DLG2: variants seen among roughly 807,000 people sequenced by gnomAD.
DLG2 encodes the protein discs large MAGUK scaffold protein 2.
A neutral mutation model predicts 132.5 loss-of-function variants in DLG2; 45 were observed. The ratio of observed to expected loss-of-function variants is 0.34; its 90% CI spans 0.27 to 0.44. The LOEUF is 0.44. Among genes scored for constraint, DLG2 ranks in the 20% least tolerant of loss-of-function variants. DLG2 has a pLI of 1.00. For synonymous variants in DLG2, 424 were observed against 419.6 expected (o/e 1.01, Z -0.13); for missense variants, 1,045 against 1,196.9 (o/e 0.87, Z 1.87).
chr11:84,314,480 AATTTAGAT>A (rs1567264221), intron 7 of DLG2, among the ~76,000 whole-genome samples: 1 of 152,148 alleles, frequency 6.6e-6, no homozygotes, highest in Non-Finnish European at 1.5e-5. Flanking sequence ...ATCTCTATAT[AATTTAGAT>A]ATTAGATGTA....
intron 18 of DLG2, among the ~76,000 whole-genome samples, chr11:83,701,895 G>C (rs986351938): frequency 6.6e-6 from 1 of 152,346 alleles, no homozygotes; most frequent in East Asian, 1.9e-4. Context: ...AGTATACAAG[G>C]AAGTTTCTGT....
intron 6 of DLG2, among the ~76,000 whole-genome samples, chr11:84,926,156 A>G (rs1351251127): frequency 6.6e-6 from 1 of 152,052 alleles, no homozygotes; most frequent in Non-Finnish European, 1.5e-5. Flanking sequence ...CAAAAAGACC[A>G]CAAAACACAT....
At chr11:84,930,961 T>C (rs542279048) in intron 6 of DLG2, among the ~76,000 whole-genome samples, 6 of 152,072 alleles carry the variant, frequency 3.9e-5, no homozygotes, top group Non-Finnish European at 7.4e-5. Context: ...TCTTAACACA[T>C]TGATTTATGT....
chr11:84,778,786 C>T (rs922550804), intron 6 of DLG2, among the ~76,000 whole-genome samples: 10 of 152,108 alleles, frequency 6.6e-5, no homozygotes, highest in African/African-American at 2.2e-4. Context: ...GGAAGACTCA[C>T]CCTCAAGAAG....
intron 15 of DLG2, among the ~76,000 whole-genome samples, chr11:83,915,906 C>G (rs894495399): frequency 2.6e-5 from 4 of 152,176 alleles, no homozygotes; most frequent in Admixed American, 2.6e-4. Context: ...GCCTCTCCCT[C>G]TAGCCCCAGG....
intron 7 of DLG2, among the ~76,000 whole-genome samples, chr11:84,443,448 A>C (rs1443095380): frequency 1.3e-5 from 2 of 152,182 alleles, no homozygotes; most frequent in African/African-American, 2.4e-5. Context: ...TTGGTGGATC[A>C]CAGAATATGT....
At chr11:84,738,486 T>C (rs955949732) in intron 6 of DLG2, among the ~76,000 whole-genome samples, 2 of 152,168 alleles carry the variant, frequency 1.3e-5, no homozygotes, top group Non-Finnish European at 2.9e-5. Flanking sequence ...ATATACTAGG[T>C]ATTCTGTTTC....
intron 3 of DLG2, among the ~76,000 whole-genome samples, chr11:85,331,376 C>A (rs1278400466): frequency 6.6e-6 from 1 of 152,148 alleles, no homozygotes; most frequent in Non-Finnish European, 1.5e-5. Flanking sequence ...GTAATAAAAT[C>A]ATTTAACTTC....
intron 7 of DLG2, among the ~76,000 whole-genome samples, chr11:84,280,867 A>ATTTTTTTTTTTTTTTTTT: frequency 1.5e-5 from 1 of 67,708 alleles, no homozygotes; most frequent in Non-Finnish European, 2.6e-5. Flanking sequence ...TGCCCAGCCA[A>ATTTTTTTTTTTTTTTTTT]TTTTTTTTTT....
chr11:84,940,162 A>AT (rs558459362), intron 6 of DLG2, among the ~76,000 whole-genome samples: 11 of 152,116 alleles, frequency 7.2e-5, no homozygotes, highest in Admixed American at 2.0e-4. Context: ...TGTGATTTGC[A>AT]TTTTTTTAAA....
At chr11:85,490,030 A>C (rs974794502) in intron 3 of DLG2, among the ~76,000 whole-genome samples, 6 of 152,110 alleles carry the variant, frequency 3.9e-5, no homozygotes, top group African/African-American at 1.4e-4. Flanking sequence ...CTCTACAAAA[A>C]CTTAAAAATT....
chr11:85,522,643 T>G (rs1170210172), intron 3 of DLG2, among the ~76,000 whole-genome samples: 1 of 152,208 alleles, frequency 6.6e-6, no homozygotes, highest in Non-Finnish European at 1.5e-5. Context: ...GCCCACCGTT[T>G]GCATCAGCAT....
At chr11:83,686,365 A>G (rs1039777598) in intron 18 of DLG2, among the ~76,000 whole-genome samples, 3 of 152,032 alleles carry the variant, frequency 2.0e-5, no homozygotes, top group Admixed American at 6.6e-5. Context: ...AATTTATAGT[A>G]CTTATCTCTG....
intron 6 of DLG2, among the ~76,000 whole-genome samples, chr11:84,984,520 C>T (rs762542076): frequency 1.3e-5 from 2 of 150,940 alleles, no homozygotes; most frequent in Non-Finnish European, 2.9e-5. Flanking sequence ...CACATCAAAA[C>T]AGAACCTCTT....
chr11:83,788,038 C>A (rs925363503), intron 17 of DLG2, among the ~76,000 whole-genome samples: 2 of 152,266 alleles, frequency 1.3e-5, no homozygotes, highest in South Asian at 2.1e-4. Context: ...TAACTTTTTG[C>A]AGATGATAGC....
chr11:84,514,273 A>T (rs1353257031), intron 7 of DLG2, among the ~76,000 whole-genome samples: 1 of 152,070 alleles, frequency 6.6e-6, no homozygotes, highest in Admixed American at 6.6e-5. Context: ...CACTATGGAG[A>T]GCAGTTTGGA....
At chr11:84,479,569 G>A (rs2099131194) in intron 7 of DLG2, among the ~76,000 whole-genome samples, 1 of 152,052 alleles carries the variant, frequency 6.6e-6, no homozygotes, top group Middle Eastern at 3.4e-3. Flanking sequence ...CAGATGATTT[G>A]TCCTTAAATT....
intron 6 of DLG2, 33 bp from the exon 7 acceptor site, chr11:84,534,764 A>G (rs761419264): frequency 2.4e-5 from 38 of 1,606,958 alleles, no homozygotes; most frequent in Non-Finnish European, 3.2e-5. Context: ...ACAAGTATGT[A>G]TATATCAGTG....
intron 6 of DLG2, among the ~76,000 whole-genome samples, chr11:84,790,200 C>T (rs1481979726): frequency 6.6e-6 from 1 of 152,178 alleles, no homozygotes; most frequent in Non-Finnish European, 1.5e-5. Flanking sequence ...TACATTCCCA[C>T]TAACAATGTA....
Sources: allele counts gnomAD v4.1 joint callset (sites outside exome capture counted in the v4.1 genomes callset), GRCh38; gene constraint gnomAD v4.1.1; transcripts MANE v1.5; gene names NCBI Gene and HGNC (gene_info 2026-07-23, HGNC 2026-07-21).